The following COL25A1 variants were observed in gnomAD, a reference collection of about 807,000 sequenced individuals.
The protein encoded by COL25A1 is collagen alpha-1(XXV) chain.
COL25A1 carries 103 observed loss-of-function variants against 128.4 expected under a neutral mutation model. The ratio of observed to expected loss-of-function variants is 0.80; its 90% CI spans 0.68 to 0.94. The LOEUF is 0.94. Among genes scored for constraint, COL25A1 ranks in the 40% least tolerant of loss-of-function variants. COL25A1 has a pLI of 0.00. For missense variants in COL25A1, 745 were observed against 840.0 expected (o/e 0.89, Z 1.40); for synonymous variants, 279 against 277.2 (o/e 1.01, Z -0.06).
intron 3 of COL25A1, among the ~76,000 whole-genome samples, chr4:109,218,917 C>A (rs962578197): frequency 1.3e-5 from 2 of 152,080 alleles, no homozygotes; most frequent in African/African-American, 2.4e-5. Flanking sequence ...TAGAATACCT[C>A]CACAAGGCTC....
intron 20 of COL25A1, among the ~76,000 whole-genome samples, 197 bp downstream of exon 20, chr4:108,868,887 AAGAT>A (rs148427787): frequency 0.019 from 2,808 of 147,774 alleles, 88 homozygotes; most frequent in African/African-American, 0.064. Context: ...AGAAAGAAGA[AAGAT>A]GGAAGGAAAG....
rs770846828 is a variant in COL25A1, at chr4:108,896,673, G to A, written c.900C>T (p.Gly300=). The change falls in exon 16 of 38, where the codon GGC becomes GGT. Residue 300 remains glycine, a synonymous_variant. Transcript: ENST00000399132. ...AGENGPKGDT[G]EKGDPGSSAA... is the part of the protein sequence containing the mutation. ...ATGTCTTACAAAACTGTACCTTTTC[G>A]CCTGTGTCACCCTTGGGGCCGTTCT... 2.1e-5 allele frequency: 34 copies of A among 1,613,372 alleles called. No homozygotes were observed. Among genetic ancestry groups the A allele is most frequent in the Non-Finnish European group, 1.5e-5 (18 of 1,179,746 alleles).
chr4:109,134,251 G>T (rs558820673), intron 3 of COL25A1, among the ~76,000 whole-genome samples: 1 of 151,526 alleles, frequency 6.6e-6, no homozygotes, highest in Non-Finnish European at 1.5e-5. Flanking sequence ...AGTAGGAGAT[G>T]ATAGGTTTTT....
chr4:109,088,845 G>A (rs541337621), intron 3 of COL25A1, among the ~76,000 whole-genome samples: 51 of 152,276 alleles, frequency 3.3e-4, no homozygotes, highest in Admixed American at 9.2e-4. Context: ...CAACTGAGTA[G>A]GAGAATAAAG....
intron 3 of COL25A1, among the ~76,000 whole-genome samples, chr4:109,254,460 G>A (rs962800736): frequency 1.5e-5 from 1 of 64,560 alleles, no homozygotes; most frequent in Non-Finnish European, 2.9e-5. Context: ...TGTACATGTA[G>A]GCATATGTTT....
chr4:109,148,954 A>G (rs568903082), intron 3 of COL25A1, among the ~76,000 whole-genome samples: 1 of 152,252 alleles, frequency 6.6e-6, no homozygotes, highest in South Asian at 2.1e-4. Flanking sequence ...AAATTTTCAC[A>G]CATCTTCCCT....
At chr4:108,943,915 C>G (rs771578388) in intron 8 of COL25A1, among the ~76,000 whole-genome samples, 2 of 151,700 alleles carry the variant, frequency 1.3e-5, no homozygotes, top group Admixed American at 1.3e-4. Context: ...CTCTTCCCAC[C>G]CAAATTTATC....
At chr4:109,094,916 C>T (rs190282304) in intron 3 of COL25A1, among the ~76,000 whole-genome samples, 1 of 152,178 alleles carries the variant, frequency 6.6e-6, no homozygotes, top group Non-Finnish European at 1.5e-5. Context: ...AACAAATCAG[C>T]TTAAATATAT....
chr4:108,952,831 C>CTTTTTTTTTTTTTTTTTT (rs59761040), intron 8 of COL25A1, among the ~76,000 whole-genome samples: 4 of 66,986 alleles, frequency 6.0e-5, no homozygotes, highest in Admixed American at 2.1e-4. Context: ...AAAAACTCAA[C>CTTTTTTTTTTTTTTTTTT]TTTTTTTTTT....
intron 3 of COL25A1, among the ~76,000 whole-genome samples, chr4:109,070,266 C>G (rs1244098745): frequency 2.0e-5 from 3 of 151,766 alleles, no homozygotes; most frequent in African/African-American, 7.3e-5. Flanking sequence ...AAAAAAAAAC[C>G]CTCTCACTTT....
intron 3 of COL25A1, among the ~76,000 whole-genome samples, chr4:109,248,115 A>C (rs540191379): frequency 6.6e-6 from 1 of 152,034 alleles, no homozygotes; most frequent in South Asian, 2.1e-4. Context: ...ATTGCTATAT[A>C]ATGTAAATAT....
At chr4:109,183,086 A>C (rs1003747167) in intron 3 of COL25A1, among the ~76,000 whole-genome samples, 17 of 152,162 alleles carry the variant, frequency 1.1e-4, no homozygotes, top group African/African-American at 3.1e-4. Context: ...TGCAACCCTT[A>C]GAACTATAAT....
At chr4:109,222,040 T>A (rs987662937) in intron 3 of COL25A1, among the ~76,000 whole-genome samples, 1 of 151,448 alleles carries the variant, frequency 6.6e-6, no homozygotes. Flanking sequence ...ACTTTTTGTA[T>A]TTGTGCTCTA....
chr4:109,128,717 A>G (rs1291075614), intron 3 of COL25A1, among the ~76,000 whole-genome samples: 2 of 152,196 alleles, frequency 1.3e-5, no homozygotes, highest in African/African-American at 2.4e-5. Context: ...GGCCCATGGT[A>G]TACTGGAAGA....
In COL25A1 at chr4:108,975,184, G is replaced by A. The variant is rs186301001; in HGVS notation, c.439-625C>T. Among the ~76,000 whole-genome samples the A allele has an allele frequency of 5.0e-3, 757 of 152,394 alleles. 9 individuals carry two copies. Among genetic ancestry groups the A allele is most frequent in the African/African-American group, 0.018 (728 of 41,600 alleles). On this transcript the variant is annotated intron_variant, in intron 6 of 37. Coordinates refer to ENST00000399132, the MANE Select transcript of COL25A1 (RefSeq NM_198721.4). ...TAAAAATACGCTATGGCCAGGCGCAGTGGCTCATGCCTGTAATCCCAGCAC... is the reference window on the plus strand; with the variant it reads ...TAAAAATACGCTATGGCCAGGCGCAATGGCTCATGCCTGTAATCCCAGCAC...
At chr4:108,898,157 C>G (rs991158465) in intron 15 of COL25A1, among the ~76,000 whole-genome samples, 1 of 152,094 alleles carries the variant, frequency 6.6e-6, no homozygotes, top group Non-Finnish European at 1.5e-5. Flanking sequence ...ACAAACCAAC[C>G]TTCTTAGTAG....
intron 3 of COL25A1, among the ~76,000 whole-genome samples, chr4:109,238,662 TAGA>T (rs1437192886): frequency 6.6e-6 from 1 of 152,054 alleles, no homozygotes; most frequent in Non-Finnish European, 1.5e-5. Context: ...ACTGTGGAAC[TAGA>T]AGGTGTGTGG....
At position 108,981,715 on chromosome 4, in the gene COL25A1, A is replaced by G. The variant is rs78033399; in HGVS notation, c.439-7156T>C. Among the ~76,000 whole-genome samples the G allele has an allele frequency of 3.3e-4, 51 of 152,322 alleles. No homozygotes were observed. The East Asian group carries it at 8.1e-3, about 24-fold the overall frequency. On this transcript the variant is annotated intron_variant, in intron 6 of 37. Transcript: ENST00000399132. Reference sequence around the variant, plus strand: ...GGTTAATTAATCTCCTTGTTCCGCAATTTCTTAATCTTAAAATGGGGAAAA... The same window carrying G: ...GGTTAATTAATCTCCTTGTTCCGCAGTTTCTTAATCTTAAAATGGGGAAAA...
intron 3 of COL25A1, among the ~76,000 whole-genome samples, chr4:109,295,606 C>T (rs191091075): frequency 2.9e-3 from 437 of 152,098 alleles, no homozygotes; most frequent in Admixed American, 4.8e-3. Flanking sequence ...AAGTGAAAAA[C>T]CATGTATACT....
Sources: allele counts gnomAD v4.1 joint callset (sites outside exome capture counted in the v4.1 genomes callset), GRCh38; gene constraint gnomAD v4.1.1; transcripts MANE v1.5; gene names NCBI Gene and HGNC (gene_info 2026-07-23, HGNC 2026-07-21).